Variants in EXOC6B observed in about 807,000 individuals in gnomAD.
The protein encoded by EXOC6B is exocyst complex component 6B.
Under a neutral mutation model 113.5 loss-of-function variants are expected in EXOC6B, and 54 were observed. That is an observed-to-expected ratio of 0.48 (90% CI 0.38 to 0.60). The LOEUF is 0.60. EXOC6B is among the 20% of genes least tolerant of loss of function. The pLI is 0.00. For missense variants in EXOC6B, 797 were observed against 977.5 expected, an observed-to-expected ratio of 0.82 and a Z score of 2.46; for synonymous variants, 357 against 339.0, an observed-to-expected ratio of 1.05 and a Z score of -0.58.
At chr2:72,703,900 T>C (rs973356617) in intron 6 of EXOC6B, among the ~76,000 whole-genome samples, 9 of 151,192 alleles carry the variant, frequency 6.0e-5, no homozygotes, top group African/African-American at 1.7e-4. Flanking sequence ...CTTTTCCTAA[T>C]TGAATACCCT....
intron 19 of EXOC6B, among the ~76,000 whole-genome samples, chr2:72,339,252 G>A (rs1205018912): frequency 1.3e-5 from 2 of 152,004 alleles, no homozygotes; most frequent in African/African-American, 4.8e-5. Context: ...GTCCTTCTTT[G>A]ACATAATAAA....
chr2:72,399,928 C>A (rs1693029498), intron 18 of EXOC6B, among the ~76,000 whole-genome samples: 2 of 151,958 alleles, frequency 1.3e-5, no homozygotes, highest in Admixed American at 1.3e-4. Context: ...AATAGAAAAA[C>A]CAATCCTAAA....
At position 72,406,568 on chromosome 2, in the gene EXOC6B, G is replaced by T. The variant is rs1281264382; in HGVS notation, c.1981-26698C>A. ...AGAAACTCACTTAAAACCGCTCAAC[G>T]ACATGGAAACTGAACAACCTGCTCC... is the stretch of plus-strand genomic sequence containing the variant. On this transcript the variant is annotated intron_variant, in intron 18 of 21. Coordinates refer to ENST00000272427, the MANE Select transcript of EXOC6B (RefSeq NM_015189.3). 4.6e-5 allele frequency among the ~76,000 whole-genome samples: 7 copies of T among 152,132 alleles called. No individual in the cohort carries two copies. In the East Asian group the frequency reaches 7.8e-4, roughly 17 times the overall value.
At chr2:72,223,157 CA>C (rs1368044206) in intron 20 of EXOC6B, among the ~76,000 whole-genome samples, 2 of 152,072 alleles carry the variant, frequency 1.3e-5, no homozygotes, top group Non-Finnish European at 2.9e-5. Context: ...GCCCAACAGG[CA>C]GATAAAGGTA....
At chr2:72,374,981 C>T (rs1395011596) in intron 19 of EXOC6B, among the ~76,000 whole-genome samples, 1 of 151,638 alleles carries the variant, frequency 6.6e-6, no homozygotes, top group Non-Finnish European at 1.5e-5. Context: ...AAAGAATATA[C>T]TTATGCAAAC....
At chr2:72,242,691 T>C (rs1235074859) in intron 20 of EXOC6B, among the ~76,000 whole-genome samples, 1 of 152,132 alleles carries the variant, frequency 6.6e-6, no homozygotes, top group East Asian at 1.9e-4. Context: ...ACAGAGATTT[T>C]CAGAGTGAAT....
At chr2:72,277,493 GTTT>G (rs539887050) in intron 20 of EXOC6B, among the ~76,000 whole-genome samples, 1 of 145,166 alleles carries the variant, frequency 6.9e-6, no homozygotes, top group South Asian at 2.2e-4. Context: ...GTATGTATTT[GTTT>G]TTTTTTTTTC....
chr2:72,269,293 G>T (rs1684331793), intron 20 of EXOC6B, among the ~76,000 whole-genome samples: 1 of 152,048 alleles, frequency 6.6e-6, no homozygotes, highest in Admixed American at 6.6e-5. Flanking sequence ...GTTCTTAAAG[G>T]GGCCAGTCAC....
At chr2:72,806,967 T>C (rs1685615357) in intron 1 of EXOC6B, among the ~76,000 whole-genome samples, 1 of 152,356 alleles carries the variant, frequency 6.6e-6, no homozygotes, top group African/African-American at 2.4e-5. Context: ...TCCCATTCTA[T>C]AGGTTGTCTG....
chr2:72,281,698 C>T (rs1446195925), intron 20 of EXOC6B, among the ~76,000 whole-genome samples: 4 of 152,076 alleles, frequency 2.6e-5, no homozygotes, highest in African/African-American at 9.7e-5. Flanking sequence ...ATAATAACTG[C>T]AAATTTTCTA....
At chr2:72,763,277 C>A (rs1036659596) in intron 1 of EXOC6B, among the ~76,000 whole-genome samples, 2 of 152,042 alleles carry the variant, frequency 1.3e-5, no homozygotes, top group Non-Finnish European at 2.9e-5. Flanking sequence ...TCCATTTCCC[C>A]CTTCCTGTAT....
At chr2:72,696,663 A>G (rs1677906188) in intron 6 of EXOC6B, among the ~76,000 whole-genome samples, 1 of 152,208 alleles carries the variant, frequency 6.6e-6, no homozygotes, top group East Asian at 1.9e-4. Context: ...GAAGCAGTTT[A>G]GTCTACTGGG....
chr2:72,441,555 A>G lies in EXOC6B; in HGVS notation c.1980+23605T>C, dbSNP rs1696201275. On this transcript the variant is annotated intron_variant, in intron 18 of 21. Transcript: ENST00000272427. ...ATAAACACAATCAGAAACAATAAGG[A>G]GGATATTACCACTAAACCCGCAGAA... Among the ~76,000 whole-genome samples the G allele has an allele frequency of 2.0e-5, 3 of 152,196 alleles. No homozygotes were observed. The South Asian group carries it at 6.2e-4, about 32-fold the overall frequency.
chr2:72,272,852 T>C (rs879715439), intron 20 of EXOC6B, among the ~76,000 whole-genome samples: 2 of 152,170 alleles, frequency 1.3e-5, no homozygotes, highest in Non-Finnish European at 2.9e-5. Context: ...TGATTAAAAG[T>C]ACAAAGCAGG....
At chr2:72,553,617 A>G (rs10084347) in intron 8 of EXOC6B, among the ~76,000 whole-genome samples, 3,910 of 152,234 alleles carry the variant, frequency 0.026, 185 homozygotes, top group African/African-American at 0.089. Context: ...AGTATATGCC[A>G]GAGGTACTAC....
At chr2:72,721,322 C>T (rs1679985576) in intron 5 of EXOC6B, among the ~76,000 whole-genome samples, 1 of 134,666 alleles carries the variant, frequency 7.4e-6, no homozygotes, top group Admixed American at 8.0e-5. Flanking sequence ...GAGTAAGACG[C>T]CATCTCAAAG....
At chr2:72,809,086 C>T (rs1242672380) in intron 1 of EXOC6B, among the ~76,000 whole-genome samples, 1 of 151,842 alleles carries the variant, frequency 6.6e-6, no homozygotes, top group African/African-American at 2.4e-5. Context: ...ACAAGAGCAG[C>T]AGCAGCAGCA....
intron 20 of EXOC6B, among the ~76,000 whole-genome samples, chr2:72,316,678 T>C (rs1488271073): frequency 6.6e-6 from 1 of 152,194 alleles, no homozygotes; most frequent in African/African-American, 2.4e-5. Context: ...TGTTACCCAC[T>C]GAGGGATGGG....
chr2:72,681,500 G>A (rs1176779504), intron 6 of EXOC6B, among the ~76,000 whole-genome samples: 3 of 152,118 alleles, frequency 2.0e-5, no homozygotes, highest in Non-Finnish European at 4.4e-5. Context: ...TTCAATTACT[G>A]TTAAGTGAAT....
Sources: gnomAD v4.1 joint callset for allele counts (sites outside exome capture counted in the v4.1 genomes callset) on GRCh38, gnomAD v4.1.1 for gene constraint, MANE v1.5 for transcripts, NCBI Gene and HGNC (gene_info 2026-07-23, HGNC 2026-07-21) for gene names.